Variants in RABGEF1 observed in about 807,000 individuals in gnomAD.
The protein encoded by RABGEF1 is rab5 GDP/GTP exchange factor.
Under a neutral mutation model 57.3 loss-of-function variants are expected in RABGEF1, and 26 were observed. The observed-to-expected ratio is 0.45, with a 90% CI of 0.33 to 0.63. The LOEUF is 0.63. RABGEF1 is among the 20% of genes least tolerant of loss of function. The probability of loss-of-function intolerance (pLI) is 0.02; values close to 1 mark genes in which losing one functional copy is unlikely to be tolerated. For synonymous variants in RABGEF1, 185 were observed against 210.7 expected, an observed-to-expected ratio of 0.88 and a Z score of 1.06; for missense variants, 464 against 607.6, an observed-to-expected ratio of 0.76 and a Z score of 2.48.
intron 4 of RABGEF1, among the ~76,000 whole-genome samples, chr7:66,793,860 G>GTATC (rs1441697359): frequency 2.0e-5 from 3 of 152,336 alleles, no homozygotes; most frequent in African/African-American, 7.2e-5. Flanking sequence ...TCCACAGGAT[G>GTATC]TATCGGCCCT....
intron 1 of RABGEF1, among the ~76,000 whole-genome samples, chr7:66,700,487 C>CAGAGGGGGAGGAGGGTAGTTGGGG (rs1793075339): frequency 1.2e-4 from 16 of 137,302 alleles, no homozygotes; most frequent in South Asian, 1.0e-3. Context: ...AAGCGGGCCC[C>CAGAGGGGGAGGAGGGTAGTTGGGG]GGAGGGGGAG....
chr7:66,683,512 T>G (rs2117029983), intron 1 of RABGEF1, among the ~76,000 whole-genome samples: 1 of 152,276 alleles, frequency 6.6e-6, no homozygotes, highest in East Asian at 1.9e-4. Context: ...ACAGTCAAGA[T>G]ACTTTCAGAA....
chr7:66,800,184 C>T (rs1475732571), intron 7 of RABGEF1, among the ~76,000 whole-genome samples: 1 of 152,138 alleles, frequency 6.6e-6, no homozygotes, highest in African/African-American at 2.4e-5. Context: ...GGAGGCTGGC[C>T]ATCGAGTAGG....
At chr7:66,683,226 C>T (rs1790061514) in intron 1 of RABGEF1, among the ~76,000 whole-genome samples, 2 of 152,150 alleles carry the variant, frequency 1.3e-5, no homozygotes, top group African/African-American at 4.8e-5. Flanking sequence ...GATCCTCCCG[C>T]CTCGGCCTCC....
intron 1 of RABGEF1, among the ~76,000 whole-genome samples, chr7:66,754,705 T>G (rs1316669344): frequency 1.3e-5 from 2 of 152,248 alleles, no homozygotes; most frequent in Non-Finnish European, 2.9e-5. Context: ...AATATTTATT[T>G]GATTGCGCCA....
intron 7 of RABGEF1, among the ~76,000 whole-genome samples, chr7:66,803,786 G>A (rs1201374890): frequency 1.3e-5 from 2 of 152,068 alleles, no homozygotes; most frequent in East Asian, 3.9e-4. Flanking sequence ...CTACTCAGGA[G>A]GCTGAAGCAG....
At chr7:66,689,750 C>T (rs1055778913) in intron 1 of RABGEF1, among the ~76,000 whole-genome samples, 9 of 150,792 alleles carry the variant, frequency 6.0e-5, no homozygotes, top group Non-Finnish European at 1.2e-4. Flanking sequence ...TGCAGTGAAC[C>T]GAGATTGCAC....
intron 2 of RABGEF1, among the ~76,000 whole-genome samples, chr7:66,732,151 C>T (rs527527113): frequency 2.0e-5 from 3 of 152,356 alleles, no homozygotes; most frequent in East Asian, 1.9e-4. Context: ...CCCTCTCTTC[C>T]TATGGTCCAG....
intron 2 of RABGEF1, among the ~76,000 whole-genome samples, chr7:66,717,700 A>T (rs1160530964): frequency 6.6e-6 from 1 of 152,094 alleles, no homozygotes; most frequent in African/African-American, 2.4e-5. Context: ...GCTGAGACTA[A>T]AGGTGCACAC....
intron 1 of RABGEF1, among the ~76,000 whole-genome samples, chr7:66,698,399 C>T (rs937967135): frequency 2.6e-5 from 4 of 152,120 alleles, no homozygotes; most frequent in Admixed American, 6.5e-5. Flanking sequence ...GGGCAGCCCA[C>T]GAAAGAGAGT....
intron 1 of RABGEF1, among the ~76,000 whole-genome samples, chr7:66,752,208 T>C (rs1468876170): frequency 6.7e-6 from 1 of 149,354 alleles, no homozygotes; most frequent in Non-Finnish European, 1.5e-5. Context: ...AAAAAAAAAG[T>C]CTTGGCTGGG....
At chr7:66,714,798 G>A (rs1795179379) in intron 2 of RABGEF1, among the ~76,000 whole-genome samples, 1 of 152,150 alleles carries the variant, frequency 6.6e-6, no homozygotes, top group African/African-American at 2.4e-5. Flanking sequence ...AGCCGGGCAT[G>A]GTGGCTGGCT....
intron 1 of RABGEF1, among the ~76,000 whole-genome samples, chr7:66,760,056 C>T (rs544766187): frequency 7.9e-5 from 12 of 152,168 alleles, no homozygotes; most frequent in Admixed American, 7.2e-4. Flanking sequence ...TACAAGACCT[C>T]AGTTTCTAGG....
At chr7:66,759,866 A>G (rs747389827) in intron 1 of RABGEF1, among the ~76,000 whole-genome samples, 84 of 152,206 alleles carry the variant, frequency 5.5e-4, no homozygotes, top group Non-Finnish European at 1.1e-3. Flanking sequence ...CACAGTTCCA[A>G]ACCATATCAC....
At chr7:66,808,350 G>A (rs778961094) in intron 8 of RABGEF1, among the ~76,000 whole-genome samples, 1 of 151,990 alleles carries the variant, frequency 6.6e-6, no homozygotes, top group African/African-American at 2.4e-5. Context: ...CAGGTAGCGG[G>A]GATTACAGGC....
At chr7:66,791,121 A>G (rs905983789) in intron 4 of RABGEF1, among the ~76,000 whole-genome samples, 1 of 152,244 alleles carries the variant, frequency 6.6e-6, no homozygotes, top group Non-Finnish European at 1.5e-5. Context: ...TGAAGAACAT[A>G]TGCGTTCCTT....
At chr7:66,804,479 A>G (rs1787982397) in intron 7 of RABGEF1, among the ~76,000 whole-genome samples, 1 of 152,084 alleles carries the variant, frequency 6.6e-6, no homozygotes, top group Admixed American at 6.6e-5. Flanking sequence ...TCACGCCTGT[A>G]ATCCCAGCAT....
intron 1 of RABGEF1, among the ~76,000 whole-genome samples, chr7:66,708,990 A>G (rs564034836): frequency 2.0e-5 from 3 of 151,028 alleles, no homozygotes; most frequent in Admixed American, 1.3e-4. Flanking sequence ...TTGATTCTGC[A>G]TCAGTAGTAT....
At chr7:66,754,161 C>G (rs1424900212) in intron 1 of RABGEF1, among the ~76,000 whole-genome samples, 2 of 150,460 alleles carry the variant, frequency 1.3e-5, no homozygotes, top group Non-Finnish European at 3.0e-5. Flanking sequence ...TCCAACACGC[C>G]TGGCTAATTT....
Sources: gnomAD v4.1 joint callset for allele counts (sites outside exome capture counted in the v4.1 genomes callset) on GRCh38, gnomAD v4.1.1 for gene constraint, MANE v1.5 for transcripts, NCBI Gene and HGNC (gene_info 2026-07-23, HGNC 2026-07-21) for gene names.